The following SLC7A14 variants were observed in gnomAD, a reference collection of about 807,000 sequenced individuals.
The protein encoded by SLC7A14 is solute carrier family 7 member 14.
Under a neutral mutation model 60.2 loss-of-function variants are expected in SLC7A14, and 37 were observed. That is an observed-to-expected ratio of 0.61 (90% confidence interval 0.47 to 0.81). SLC7A14 has a LOEUF of 0.81. Among genes scored for constraint, SLC7A14 ranks in the 30% least tolerant of loss-of-function variants. SLC7A14 has a pLI of 0.00. For synonymous variants in SLC7A14, 399 were observed against 395.8 expected (o/e 1.01, Z -0.10); for missense variants, 886 against 982.7 (o/e 0.90, Z 1.32).
chr3:170,488,035 G>A (rs866705594), intron 4 of SLC7A14, among the ~76,000 whole-genome samples: 1 of 152,068 alleles, frequency 6.6e-6, no homozygotes, highest in Non-Finnish European at 1.5e-5. Flanking sequence ...ATCCCTAATA[G>A]AGAAGCACAT....
intron 1 of SLC7A14, among the ~76,000 whole-genome samples, chr3:170,566,358 C>A (rs757787349): frequency 6.3e-4 from 96 of 152,160 alleles, no homozygotes; most frequent in Non-Finnish European, 1.2e-3. Flanking sequence ...GAGGAGAGGT[C>A]ATCTTTCTCC....
intron 4 of SLC7A14, chr3:170,496,069 GC>G (rs1712383635): frequency 2.4e-6 from 3 of 1,251,126 alleles, no homozygotes; most frequent in Non-Finnish European, 3.5e-6. Context: ...CTGGAGTCTC[GC>G]CTGGAAGGGC....
At chr3:170,574,893 G>A (rs1019037838) in intron 1 of SLC7A14, among the ~76,000 whole-genome samples, 8 of 152,158 alleles carry the variant, frequency 5.3e-5, no homozygotes, top group African/African-American at 1.7e-4. Context: ...GAGCAAACCT[G>A]GGCAAGTGGC....
chr3:170,560,059 TC>T (rs1714602602), intron 1 of SLC7A14, among the ~76,000 whole-genome samples: 2 of 152,290 alleles, frequency 1.3e-5, no homozygotes, highest in African/African-American at 4.8e-5. Context: ...CCAATCAAAT[TC>T]CCTTTTGAAT....
intron 4 of SLC7A14, among the ~76,000 whole-genome samples, chr3:170,488,588 C>T (rs191658418): frequency 1.2e-4 from 18 of 152,282 alleles, no homozygotes; most frequent in East Asian, 3.9e-4. Context: ...CAAGAACATT[C>T]ACTGGGGAAA....
intron 1 of SLC7A14, among the ~76,000 whole-genome samples, chr3:170,583,003 A>G (rs1420776945): frequency 6.6e-6 from 1 of 152,206 alleles, no homozygotes; most frequent in African/African-American, 2.4e-5. Flanking sequence ...TGATGAAATA[A>G]CTTCACATAG....
At chr3:170,508,502 T>A (rs550275849) in intron 2 of SLC7A14, among the ~76,000 whole-genome samples, 14 of 152,286 alleles carry the variant, frequency 9.2e-5, no homozygotes, top group Non-Finnish European at 1.8e-4. Context: ...ATCTAGCAAA[T>A]GGATGAGGTC....
intron 1 of SLC7A14, among the ~76,000 whole-genome samples, chr3:170,562,960 C>T (rs1457303199): frequency 6.6e-6 from 1 of 152,042 alleles, no homozygotes; most frequent in Non-Finnish European, 1.5e-5. Flanking sequence ...TGGGGTTTTG[C>T]CATGTTGGCC....
chr3:170,562,979 C>T (rs1714695118), intron 1 of SLC7A14, among the ~76,000 whole-genome samples: 1 of 152,012 alleles, frequency 6.6e-6, no homozygotes, highest in Non-Finnish European at 1.5e-5. Flanking sequence ...CCAGGCTGGT[C>T]TCAAACTTCT....
At chr3:170,475,720 C>A (rs1174605829) in intron 7 of SLC7A14, among the ~76,000 whole-genome samples, 1 of 148,474 alleles carries the variant, frequency 6.7e-6, no homozygotes, top group Non-Finnish European at 1.5e-5. Context: ...AATCACATTT[C>A]TTTTTTTTTT....
In SLC7A14 at chr3:170,480,923, C is replaced by T. The variant is rs578123200; in HGVS notation, c.1359G>A (p.Glu453=). The T allele has an allele frequency of 6.2e-7, 1 of 1,614,034 alleles. No individual in the cohort carries two copies. Among genetic ancestry groups the T allele is most frequent in the Non-Finnish European group, 8.5e-7 (1 of 1,180,022 alleles). The change falls in exon 7 of 8, where the codon GAG becomes GAA. Residue 453 remains glutamate, a synonymous_variant. Coordinates refer to ENST00000231706, the MANE Select transcript of SLC7A14 (RefSeq NM_020949.3). The part of the protein sequence containing the change: ...FLSEEHTKKK[E]GILADCEKEA... ...CCTTCTCACAGTCAGCCAGAATGCCCTCCTTCTTCTTGGTGTGCTCCTCAG... is the reference window on the plus strand; with the variant it reads ...CCTTCTCACAGTCAGCCAGAATGCCTTCCTTCTTCTTGGTGTGCTCCTCAG...
At chr3:170,548,799 A>G (rs1004979993) in intron 1 of SLC7A14, among the ~76,000 whole-genome samples, 4 of 152,206 alleles carry the variant, frequency 2.6e-5, no homozygotes, top group African/African-American at 9.7e-5. Flanking sequence ...TCTGTGAATG[A>G]GTTTAGATCC....
chr3:170,493,659 G>A (rs555184183), intron 4 of SLC7A14, among the ~76,000 whole-genome samples: 5 of 152,286 alleles, frequency 3.3e-5, no homozygotes, highest in African/African-American at 9.6e-5. Context: ...TATTACCTTG[G>A]TGTATGACAT....
intron 1 of SLC7A14, among the ~76,000 whole-genome samples, chr3:170,579,953 G>A (rs1197573263): frequency 1.3e-5 from 2 of 152,212 alleles, no homozygotes; most frequent in African/African-American, 4.8e-5. Flanking sequence ...CGGTTCTCAG[G>A]AGTAGTCTAT....
At chr3:170,486,395 C>A (rs768334244) in intron 4 of SLC7A14, 27 bp from the exon 5 acceptor site, 1 of 1,614,092 alleles carries the variant, frequency 6.2e-7, no homozygotes, top group Non-Finnish European at 8.5e-7. Flanking sequence ...ATTTGTCAGA[C>A]TCAGAAGATC....
At chr3:170,480,118 A>G (rs1428629983) in intron 7 of SLC7A14, among the ~76,000 whole-genome samples, 171 bp downstream of exon 7, 1 of 152,254 alleles carries the variant, frequency 6.6e-6, no homozygotes, top group Non-Finnish European at 1.5e-5. Context: ...CATTACAGGC[A>G]GAAAGGGGAC....
At chr3:170,512,596 C>T (rs1454633971) in intron 2 of SLC7A14, among the ~76,000 whole-genome samples, 2 of 151,858 alleles carry the variant, frequency 1.3e-5, no homozygotes, top group African/African-American at 4.8e-5. Flanking sequence ...TCTACTCCCC[C>T]ACACCTCAGA....
intron 1 of SLC7A14, among the ~76,000 whole-genome samples, chr3:170,551,096 C>CTT (rs1417446210): frequency 1.8e-4 from 28 of 152,212 alleles, no homozygotes; most frequent in Admixed American, 1.8e-3. Context: ...TACTTTCTTT[C>CTT]TTTATGGATT....
chr3:170,472,060 G>A (rs1739924941), intron 7 of SLC7A14, among the ~76,000 whole-genome samples: 1 of 152,058 alleles, frequency 6.6e-6, no homozygotes, highest in African/African-American at 2.4e-5. Context: ...CTAGTTAGCA[G>A]TAAACACAGA....
Sources: allele counts gnomAD v4.1 joint callset (sites outside exome capture counted in the v4.1 genomes callset), GRCh38; gene constraint gnomAD v4.1.1; transcripts MANE v1.5; gene names NCBI Gene and HGNC (gene_info 2026-07-23, HGNC 2026-07-21).